Variants in FHIT observed in about 807,000 individuals in gnomAD.
FHIT encodes bis(5'-adenosyl)-triphosphatase.
A neutral mutation model predicts 17.9 loss-of-function variants in FHIT; 19 were observed. That is an observed-to-expected ratio of 1.06 (90% confidence interval 0.74 to 1.56). FHIT has a LOEUF of 1.56. Among genes scored for constraint, FHIT ranks in the 40% most tolerant of loss-of-function variants. The probability of loss-of-function intolerance (pLI) is 0.00; values close to 1 mark genes in which losing one functional copy is unlikely to be tolerated. For missense variants in FHIT, 248 were observed against 189.2 expected (o/e 1.31, Z -1.82); for synonymous variants, 81 against 69.7 (o/e 1.16, Z -0.81).
intron 5 of FHIT, among the ~76,000 whole-genome samples, chr3:60,418,557 C>CT (rs11452248): frequency 0.61 from 57,713 of 95,198 alleles, 19,211 homozygotes; most frequent in South Asian, 0.7. Flanking sequence ...TCCCTCCCAA[C>CT]TTTTTTTTTT....
intron 5 of FHIT, among the ~76,000 whole-genome samples, chr3:60,199,825 T>G (rs1025711661): frequency 6.6e-6 from 1 of 152,080 alleles, no homozygotes; most frequent in Admixed American, 6.6e-5. Context: ...TCTTCTGTGT[T>G]AAGGAGAGAG....
At chr3:60,612,341 G>C (rs1242529079) in intron 4 of FHIT, among the ~76,000 whole-genome samples, 2 of 152,078 alleles carry the variant, frequency 1.3e-5, no homozygotes, top group African/African-American at 4.8e-5. Context: ...AATCATCATA[G>C]CAAATATATA....
At chr3:60,643,613 G>T (rs879954732) in intron 4 of FHIT, among the ~76,000 whole-genome samples, 1 of 152,154 alleles carries the variant, frequency 6.6e-6, no homozygotes, top group African/African-American at 2.4e-5. Context: ...TCATGTAGAT[G>T]CTGTACGCAG....
At chr3:61,165,314 T>C (rs564711717) in intron 2 of FHIT, among the ~76,000 whole-genome samples, 1 of 152,320 alleles carries the variant, frequency 6.6e-6, no homozygotes, top group East Asian at 1.9e-4. Flanking sequence ...GTTTTTAGAC[T>C]TTTTAATAAT....
intron 3 of FHIT, among the ~76,000 whole-genome samples, chr3:60,845,831 A>T (rs571809715): frequency 6.6e-6 from 1 of 152,296 alleles, no homozygotes; most frequent in East Asian, 1.9e-4. Flanking sequence ...CTGCTTGAGT[A>T]ATTAATAAAT....
At chr3:60,268,426 G>C (rs546480560) in intron 5 of FHIT, among the ~76,000 whole-genome samples, 1 of 152,148 alleles carries the variant, frequency 6.6e-6, no homozygotes, top group Non-Finnish European at 1.5e-5. Flanking sequence ...ATATCCTAAT[G>C]TGTTGCATTA....
At chr3:60,619,736 A>C (rs1365912137) in intron 4 of FHIT, among the ~76,000 whole-genome samples, 1 of 152,124 alleles carries the variant, frequency 6.6e-6, no homozygotes, top group Non-Finnish European at 1.5e-5. Flanking sequence ...ATGTACAAGA[A>C]AGTTCAGCTG....
At chr3:60,537,113 G>C in intron 4 of FHIT, 134 bp from the exon 5 acceptor site, 2 of 699,616 alleles carry the variant, frequency 2.9e-6, no homozygotes, top group Non-Finnish European at 4.4e-6. Context: ...GTTCCTCATT[G>C]AATGTTCACC....
intron 2 of FHIT, among the ~76,000 whole-genome samples, chr3:61,129,674 T>TG (rs1471055135): frequency 2.0e-5 from 3 of 152,112 alleles, no homozygotes; most frequent in Non-Finnish European, 4.4e-5. Flanking sequence ...AATCAGGAGG[T>TG]GAAAATCTTG....
intron 4 of FHIT, among the ~76,000 whole-genome samples, chr3:60,726,505 T>C (rs2041919228): frequency 6.6e-6 from 1 of 152,178 alleles, no homozygotes. Context: ...AGATGGGTAG[T>C]GGGCTGAGTC....
chr3:60,421,521 A>G (rs1403061744), intron 5 of FHIT, among the ~76,000 whole-genome samples: 1 of 152,158 alleles, frequency 6.6e-6, no homozygotes, highest in Non-Finnish European at 1.5e-5. Flanking sequence ...CCATGAACTG[A>G]AAACATTTTT....
intron 1 of FHIT, among the ~76,000 whole-genome samples, chr3:61,227,970 A>G (rs2040010681): frequency 6.6e-6 from 1 of 152,168 alleles, no homozygotes; most frequent in African/African-American, 2.4e-5. Flanking sequence ...GGTTTTTAAA[A>G]AAATGTCTGT....
At chr3:60,435,417 T>C (rs530160744) in intron 5 of FHIT, among the ~76,000 whole-genome samples, 1 of 147,852 alleles carries the variant, frequency 6.8e-6, no homozygotes, top group Non-Finnish European at 1.5e-5. Flanking sequence ...TGGGGAATTA[T>C]ATACTTTATA....
chr3:60,354,869 G>C (rs1362437954), intron 5 of FHIT, among the ~76,000 whole-genome samples: 2 of 152,096 alleles, frequency 1.3e-5, no homozygotes, highest in African/African-American at 4.8e-5. Flanking sequence ...TGACTTTGAG[G>C]ACAGGACTGG....
chr3:60,728,634 C>T (rs573545227), intron 4 of FHIT, among the ~76,000 whole-genome samples: 1 of 151,474 alleles, frequency 6.6e-6, no homozygotes, highest in African/African-American at 2.4e-5. Context: ...AAATCTGGGG[C>T]ATATTAGATA....
intron 5 of FHIT, among the ~76,000 whole-genome samples, chr3:60,390,396 T>TAAAAAAAAAAAAAAAAAAAAAAAAAAAAA (rs869078939): frequency 6.2e-5 from 2 of 32,028 alleles, no homozygotes; most frequent in African/African-American, 2.4e-4. Flanking sequence ...GTAATGGAGC[T>TAAAAAAAAAAAAAAAAAAAAAAAAAAAAA]AAAAAAAAAA....
intron 5 of FHIT, among the ~76,000 whole-genome samples, chr3:60,409,626 C>T (rs938471005): frequency 1.3e-5 from 2 of 152,164 alleles, no homozygotes; most frequent in Non-Finnish European, 2.9e-5. Context: ...GATCTAGTTA[C>T]AGTTTACTCA....
intron 5 of FHIT, among the ~76,000 whole-genome samples, chr3:60,413,544 T>A (rs1361923764): frequency 6.6e-6 from 1 of 152,198 alleles, no homozygotes. Flanking sequence ...AATAAGTGCA[T>A]GTTAGGTAAA....
chr3:60,927,910 T>C (rs1357027497), intron 3 of FHIT, among the ~76,000 whole-genome samples: 2 of 152,230 alleles, frequency 1.3e-5, no homozygotes, highest in African/African-American at 2.4e-5. Flanking sequence ...AGATTGTTAC[T>C]GTGTCTGTGT....
Sources: allele counts gnomAD v4.1 joint callset (sites outside exome capture counted in the v4.1 genomes callset), GRCh38; gene constraint gnomAD v4.1.1; transcripts MANE v1.5; gene names NCBI Gene and HGNC (gene_info 2026-07-23, HGNC 2026-07-21).